Variants in GOT2 observed in about 807,000 individuals in gnomAD.
The protein encoded by GOT2 is glutamic-oxaloacetic transaminase 2.
Under a neutral mutation model 50.0 loss-of-function variants are expected in GOT2, and 17 were observed. That is an observed-to-expected ratio of 0.34 (90% CI 0.23 to 0.51). GOT2 has a LOEUF of 0.51. Among genes scored for constraint, GOT2 ranks in the 20% least tolerant of loss-of-function variants. The probability of loss-of-function intolerance (pLI) is 0.97; values close to 1 mark genes in which losing one functional copy is unlikely to be tolerated. For missense variants in GOT2, 430 were observed against 559.6 expected (o/e 0.77, Z 2.34); for synonymous variants, 172 against 204.9 (o/e 0.84, Z 1.37).
At chr16:58,728,422 T>C (rs2044804788) in intron 1 of GOT2, among the ~76,000 whole-genome samples, 1 of 152,216 alleles carries the variant, frequency 6.6e-6, no homozygotes, top group African/African-American at 2.4e-5. Flanking sequence ...GCAGAGTGCC[T>C]GATGTTCGCT....
chr16:58,733,534 A>G (rs73550823), intron 1 of GOT2, among the ~76,000 whole-genome samples: 6,447 of 152,248 alleles, frequency 0.042, 394 homozygotes, highest in East Asian at 0.29. Context: ...TTTCCCAAGC[A>G]AAGGCCAAAC....
chr16:58,727,079 A>G (rs1354846782), intron 1 of GOT2, among the ~76,000 whole-genome samples: 7 of 152,088 alleles, frequency 4.6e-5, no homozygotes, highest in Non-Finnish European at 8.8e-5. Context: ...GCTTGAACCC[A>G]GGAGGCGGAG....
intron 1 of GOT2, among the ~76,000 whole-genome samples, chr16:58,731,722 T>TC (rs1225581178): frequency 6.6e-6 from 1 of 152,246 alleles, no homozygotes; most frequent in Non-Finnish European, 1.5e-5. Flanking sequence ...TACAAAGAGT[T>TC]CCACATATTT....
In GOT2 at chr16:58,729,514, GAAAA is replaced by G. The variant is rs1022823019; in HGVS notation, c.89+4622_89+4625del. Among the ~76,000 whole-genome samples the G allele has an allele frequency of 3.5e-5, 5 of 144,628 alleles. No individual in the cohort carries two copies. The South Asian group carries it at 6.6e-4, about 19-fold the overall frequency. 94.9% of individuals were successfully genotyped at this position (144,628 alleles called of 152,430 possible). On this transcript the variant is annotated intron_variant, in intron 1 of 9. Coordinates refer to ENST00000245206, the MANE Select transcript of GOT2 (RefSeq NM_002080.4). ...TCTCAGGAAGAAAAAAAAAAAAAAA[GAAAA>G]AGAAAAAGAAAAAACAATGGTCTGT...
rs762925421 is a variant in GOT2, at chr16:58,718,230, G to A, written c.668C>T (p.Pro223Leu). 14 of 1,613,646 alleles carry A rather than the reference G, an allele frequency of 8.7e-6. No individual in the cohort carries two copies. In the East Asian group the frequency reaches 8.9e-5, roughly 10 times the overall value. ...TGTTGCTATTTCCTTCCACTGTTCC[G>A]GACGCGGGTCCACTCCCGTGGGATT... The part of the protein sequence containing the change: ...AHNPTGVDPR[P>L]EQWKEIATVV... The change falls in exon 6 of 10, where the codon CCG becomes CTG. Residue 223 changes from proline (P) to leucine (L), a missense_variant. Pro to Leu is a moderately conservative substitution (Grantham distance 98). Transcript: ENST00000245206.
chr16:58,730,230 G>A (rs1408591213), intron 1 of GOT2, among the ~76,000 whole-genome samples: 1 of 152,096 alleles, frequency 6.6e-6, no homozygotes, highest in Non-Finnish European at 1.5e-5. Flanking sequence ...TCAGGTTCAC[G>A]GGTACATGTG....
In GOT2 at chr16:58,723,779, A is replaced by G. The variant is rs257636; in HGVS notation, c.213T>C (p.Asn71=). 0.65 allele frequency: 1,037,429 copies of G among 1,608,108 alleles called. 337,941 individuals carry two copies. The highest frequency in any genetic ancestry group is 0.81 in the Middle Eastern group (4,883 of 6,054). Residue 71 remains asparagine (N), a synonymous_variant, in exon 2 of 10, where the codon AAT becomes AAC. Coordinates refer to ENST00000245206, the MANE Select transcript of GOT2 (RefSeq NM_002080.4). ...CGCTAGGCAGAACGTAAGGCTTTCC[A>G]TTATCATCCCGGTAGGCACCAACTC... ...NLGVGAYRDD[N]GKPYVLPSVR...
At chr16:58,712,238 G>A (rs1359083111) in intron 8 of GOT2, among the ~76,000 whole-genome samples, 2 of 152,106 alleles carry the variant, frequency 1.3e-5, no homozygotes, top group Non-Finnish European at 2.9e-5. Flanking sequence ...GTGGCCAGGC[G>A]CGGTGGCTCA....
chr16:58,707,482 G>C lies in GOT2; in HGVS notation c.*689C>G, dbSNP rs1194297810. The C allele has an allele frequency of 2.0e-5, 3 of 152,262 alleles. No homozygotes were observed. The highest frequency in any genetic ancestry group is 2.9e-5 in the Non-Finnish European group (2 of 68,034). 9.4% of individuals were successfully genotyped at this position (152,262 alleles called of 1,614,324 possible). A position where few individuals can be genotyped will look rare whatever the true frequency, so the allele number is the denominator to read the frequency against. ...GGGTACAGCATCAGCAGAAAATTAT[G>C]TTCTTCATTCTTAAATAAATCTCGA... On this transcript the variant is annotated 3_prime_UTR_variant, in exon 10 of 10. Transcript: ENST00000245206.
At chr16:58,713,002 A>G (rs40575) in intron 8 of GOT2, among the ~76,000 whole-genome samples, 112,901 of 151,902 alleles carry the variant, frequency 0.74, 42,592 homozygotes, top group Middle Eastern at 0.9. Context: ...GGGAGGCTGA[A>G]GCAGAAGAAT....
intron 1 of GOT2, among the ~76,000 whole-genome samples, chr16:58,730,939 G>C (rs1040163660): frequency 3.9e-5 from 6 of 152,220 alleles, no homozygotes; most frequent in East Asian, 1.9e-4. Flanking sequence ...TCATCCAAGA[G>C]AGGTTAGGTA....
chr16:58,716,202 G>A (rs755119318), intron 7 of GOT2, 23 bp from the exon 8 acceptor site: 12 of 1,607,308 alleles, frequency 7.5e-6, no homozygotes, highest in African/African-American at 6.7e-5. Flanking sequence ...AATGGATCTC[G>A]TCTTCTACTT....
chr16:58,707,904 T>C lies in GOT2; in HGVS notation c.*267A>G. 3.5e-6 allele frequency: 1 copy of C among 285,400 alleles called. No homozygotes were observed. Among genetic ancestry groups the C allele is most frequent in the Non-Finnish European group, 6.6e-6 (1 of 152,630 alleles). 17.7% of individuals were successfully genotyped at this position (285,400 alleles called of 1,614,324 possible). Reference sequence around the variant, plus strand: ...AGGTTTTTTGGTGCGATGACTTTCTTGCACATGTAAACTCTTTGAGAAAAG... The same window carrying C: ...AGGTTTTTTGGTGCGATGACTTTCTCGCACATGTAAACTCTTTGAGAAAAG... On this transcript the variant is annotated 3_prime_UTR_variant, in exon 10 of 10. Coordinates refer to ENST00000245206, the MANE Select transcript of GOT2 (RefSeq NM_002080.4).
In GOT2 at chr16:58,716,211, T is replaced by C. The variant is rs1323264968; in HGVS notation, c.854-32A>G. The C allele has an allele frequency of 3.1e-6, 5 of 1,599,240 alleles. 1 individual carries two copies. In the Admixed American group the frequency reaches 8.4e-5, roughly 27 times the overall value. On this transcript the variant is annotated intron_variant, in intron 7 of 9. Transcript: ENST00000245206. ...GACAAAAATGGATCTCGTCTTCTAC[T>C]TCTACTATCTAATGTGCTAAAGCAA...
intron 1 of GOT2, among the ~76,000 whole-genome samples, chr16:58,725,146 A>G (rs1327729422): frequency 6.9e-6 from 1 of 144,288 alleles, no homozygotes; most frequent in Non-Finnish European, 1.5e-5. Context: ...ATGGAATCTC[A>G]CTCTGTCACC....
At position 58,734,153 on chromosome 16, in the gene GOT2, A is replaced by G; in HGVS notation, c.76T>C (p.Ser26Pro). ...CCCTTGGCTTACCTGGCTCTGGCAGAGGCCGCGGCGGCGAGGCCCGGGTGG... is the reference window on the plus strand; with the variant it reads ...CCCTTGGCTTACCTGGCTCTGGCAGGGGCCGCGGCGGCGAGGCCCGGGTGG... ...AFHPGLAAAA[S>P]ARASSWWTHV... Residue 26 changes from serine to proline, a missense_variant, in exon 1 of 10, where the codon TCT becomes CCT. Physicochemically the swap from Ser to Pro is moderately conservative, Grantham distance 74. Coordinates refer to ENST00000245206, the MANE Select transcript of GOT2 (RefSeq NM_002080.4). 7.5e-7 allele frequency: 1 copy of G among 1,333,902 alleles called. No individual in the cohort carries two copies. Among genetic ancestry groups the G allele is most frequent in the Non-Finnish European group, 9.6e-7 (1 of 1,037,354 alleles). The allele number at this position is 1,333,902 out of a possible 1,614,324, so 82.6% of individuals were successfully genotyped here. A position where few individuals can be genotyped will look rare whatever the true frequency, so the allele number is the denominator to read the frequency against.
At chr16:58,716,974 C>T (rs1003171381) in intron 6 of GOT2, among the ~76,000 whole-genome samples, 161 bp from the exon 7 acceptor site, 1 of 152,172 alleles carries the variant, frequency 6.6e-6, no homozygotes, top group Non-Finnish European at 1.5e-5. Context: ...AACTTATACC[C>T]AGGACTCACG....
intron 3 of GOT2, 32 bp downstream of exon 3, chr16:58,722,118 C>G (rs1228995772): frequency 6.2e-7 from 1 of 1,609,150 alleles, no homozygotes; most frequent in South Asian, 1.1e-5. Flanking sequence ...TTAAAACAGA[C>G]CTGGGATGAT....
intron 1 of GOT2, among the ~76,000 whole-genome samples, chr16:58,730,384 G>T (rs2044824935): frequency 1.0e-5 from 1 of 97,814 alleles, no homozygotes; most frequent in South Asian, 3.1e-4. Context: ...CCTCCTAGAG[G>T]GATACAATTT....
Sources: gnomAD v4.1 joint callset for allele counts (sites outside exome capture counted in the v4.1 genomes callset) on GRCh38, gnomAD v4.1.1 for gene constraint, MANE v1.5 for transcripts, NCBI Gene and HGNC (gene_info 2026-07-23, HGNC 2026-07-21) for gene names.